Variants in ARHGAP18 observed in about 807,000 individuals in gnomAD.
ARHGAP18 encodes the protein rho GTPase-activating protein 18.
In ARHGAP18, 67 loss-of-function variants were observed where a neutral mutation model predicts 86.2. That is an observed-to-expected ratio of 0.78 (90% CI 0.64 to 0.95). The LOEUF is 0.95. Ranked by LOEUF, ARHGAP18 falls within the 40% of genes least tolerant of loss-of-function variation. The pLI is 0.00. For missense variants in ARHGAP18, 691 were observed against 780.4 expected, an observed-to-expected ratio of 0.89 and a Z score of 1.37; for synonymous variants, 283 against 280.4, an observed-to-expected ratio of 1.01 and a Z score of -0.09.
At chr6:129,584,661 T>G (rs1278263884) in intron 12 of ARHGAP18, among the ~76,000 whole-genome samples, 1 of 152,212 alleles carries the variant, frequency 6.6e-6, no homozygotes. Flanking sequence ...TCTAAATCTT[T>G]TGCCCATGGA....
chr6:129,604,329 C>T (rs548882718), intron 10 of ARHGAP18, among the ~76,000 whole-genome samples: 6 of 152,048 alleles, frequency 3.9e-5, no homozygotes, highest in African/African-American at 1.4e-4. Context: ...ACTTTGAGGG[C>T]AAAGCCCGAA....
intron 1 of ARHGAP18, among the ~76,000 whole-genome samples, chr6:129,643,814 T>C (rs1486318614): frequency 2.6e-5 from 4 of 152,194 alleles, no homozygotes; most frequent in African/African-American, 9.6e-5. Flanking sequence ...TTGTTTAAAA[T>C]AGTAGGATTT....
chr6:129,648,998 G>A (rs759308559), intron 1 of ARHGAP18, among the ~76,000 whole-genome samples: 46 of 152,138 alleles, frequency 3.0e-4, no homozygotes, highest in Admixed American at 2.1e-3. Context: ...TGACATCCAG[G>A]AAGAAAGAAC....
intron 1 of ARHGAP18, among the ~76,000 whole-genome samples, chr6:129,654,899 G>A (rs1025291470): frequency 1.7e-4 from 26 of 152,192 alleles, no homozygotes; most frequent in Admixed American, 3.9e-4. Context: ...CCAGGACCTC[G>A]ACTGAACCTC....
At chr6:129,705,227 A>G (rs748863939) in intron 1 of ARHGAP18, among the ~76,000 whole-genome samples, 1 of 152,228 alleles carries the variant, frequency 6.6e-6, no homozygotes, top group Non-Finnish European at 1.5e-5. Flanking sequence ...TTATGCTTGC[A>G]GAACCAAGGA....
chr6:129,603,476 C>T (rs973129075), intron 10 of ARHGAP18, among the ~76,000 whole-genome samples: 8 of 152,064 alleles, frequency 5.3e-5, no homozygotes, highest in African/African-American at 9.7e-5. Flanking sequence ...TATCAATCAC[C>T]GGGTTCACTC....
At chr6:129,671,014 T>C (rs1268772757) in intron 1 of ARHGAP18, among the ~76,000 whole-genome samples, 2 of 152,178 alleles carry the variant, frequency 1.3e-5, no homozygotes, top group African/African-American at 2.4e-5. Flanking sequence ...TACAGTATCT[T>C]AGAGATGTCA....
chr6:129,652,790 G>A (rs182209685), intron 1 of ARHGAP18, among the ~76,000 whole-genome samples: 1 of 152,128 alleles, frequency 6.6e-6, no homozygotes. Flanking sequence ...ATAAAAAGTT[G>A]CTATTGATTC....
rs929067845 is a variant in ARHGAP18 at position 129,585,518 on chromosome 6, A to G, written c.1714-1406T>C. Among the ~76,000 whole-genome samples the G allele has an allele frequency of 3.3e-5, 5 of 152,184 alleles. 1 individual carries two copies. Among genetic ancestry groups the G allele is most frequent in the African/African-American group, 1.2e-4 (5 of 41,448 alleles). ...CACGATATAAGACTGTACAGTGAGT[A>G]TGGGATTGTGGAAGACCACAGACTG... On this transcript the variant is annotated intron_variant, in intron 12 of 14. Transcript: ENST00000368149.
Position 129,584,037 on chromosome 6 carries a change from C to CTAA in ARHGAP18, c.1788_1789insTTA (p.Thr596_Glu597insLeu), listed in dbSNP as rs1260806043. Reference sequence around the variant, plus strand: ...AGTACATCACTGGCTTTTAGTTCTTCAGTTAGCTGTATTGCCATGGAAACT... The same window carrying CTAA: ...AGTACATCACTGGCTTTTAGTTCTTCTAAAGTTAGCTGTATTGCCATGGAAACT... On this transcript the variant is annotated inframe_insertion, in exon 13 of 15. Transcript: ENST00000368149. 22 of 1,613,806 alleles carry CTAA rather than the reference C, an allele frequency of 1.4e-5. No homozygotes were observed. The highest frequency in any genetic ancestry group is 1.9e-5 in the Non-Finnish European group (22 of 1,179,838).
chr6:129,665,504 C>A (rs1024099991), intron 1 of ARHGAP18, among the ~76,000 whole-genome samples: 3 of 152,076 alleles, frequency 2.0e-5, no homozygotes, highest in Admixed American at 1.3e-4. Flanking sequence ...GAGCCAAGAT[C>A]GTGCCACTGC....
chr6:129,598,921 G>A (rs1788676951), intron 12 of ARHGAP18: 1 of 190,978 alleles, frequency 5.2e-6, no homozygotes, highest in Non-Finnish European at 1.1e-5. Context: ...GAGAGGTAGA[G>A]GTAGGGGTAG....
Position 129,641,819 on chromosome 6 carries a change from C to T in ARHGAP18, c.313G>A (p.Asp105Asn), listed in dbSNP as rs753298352. 1.6e-5 allele frequency: 25 copies of T among 1,612,234 alleles called. No homozygotes were observed. Among genetic ancestry groups the T allele is most frequent in the Middle Eastern group, 1.7e-4 (1 of 5,750 alleles). Residue 105 changes from aspartate (D) to asparagine (N), a missense_variant, in exon 2 of 15, where the codon GAT becomes AAT. Coordinates refer to ENST00000368149, the MANE Select transcript of ARHGAP18 (RefSeq NM_033515.3). ...GCTTTATTTAGTTAGTTATTACCAT[C>T]AGGCTCTTTGACAACAACCACCTCT... ...DQEVVVVKEP[D>N]EGELEEEWLK... is the part of the protein sequence containing the mutation.
At chr6:129,686,519 C>T (rs1011608095) in intron 1 of ARHGAP18, among the ~76,000 whole-genome samples, 4 of 152,170 alleles carry the variant, frequency 2.6e-5, no homozygotes, top group African/African-American at 7.2e-5. Context: ...AAAGACCAGA[C>T]GCTTACCCAG....
At chr6:129,615,300 G>A (rs980601020) in intron 7 of ARHGAP18, among the ~76,000 whole-genome samples, 1 of 152,202 alleles carries the variant, frequency 6.6e-6, no homozygotes, top group Non-Finnish European at 1.5e-5. Context: ...GCTAAAAGAG[G>A]CTGATGGGTG....
In ARHGAP18 at chr6:129,631,392, C is replaced by CA. The variant is rs71028170; in HGVS notation, c.617-1871dup. On this transcript the variant is annotated intron_variant, in intron 4 of 14. Transcript: ENST00000368149. ...ACACACATTTCCTTCAAAAGCAATG[C>CA]AAAAAAAAAATACCGCATATCAAAG... 2.5e-3 allele frequency among the ~76,000 whole-genome samples: 359 copies of CA among 146,370 alleles called. 4 individuals are homozygous for CA. The highest frequency in any genetic ancestry group is 7.3e-3 in the African/African-American group (289 of 39,696).
chr6:129,623,508 C>T lies in ARHGAP18; in HGVS notation c.787-4656G>A, dbSNP rs538723738. On this transcript the variant is annotated intron_variant, in intron 5 of 14. Coordinates refer to ENST00000368149, the MANE Select transcript of ARHGAP18 (RefSeq NM_033515.3). Reference sequence around the variant, plus strand: ...TCATAAAGAATTGACAAAGGTTGCTCGATGCTGTGAGGAAAAGGAAGTGAA... The same window carrying T: ...TCATAAAGAATTGACAAAGGTTGCTTGATGCTGTGAGGAAAAGGAAGTGAA... Among the ~76,000 whole-genome samples the T allele has an allele frequency of 2.9e-4, 44 of 152,108 alleles. 1 individual carries two copies. The highest frequency in any genetic ancestry group is 1.0e-3 in the African/African-American group (42 of 41,486).
Position 129,625,103 on chromosome 6 carries a change from A to C in ARHGAP18, c.786+4250T>G, listed in dbSNP as rs13210063. 4.7e-4 allele frequency among the ~76,000 whole-genome samples: 38 copies of C among 80,948 alleles called. 5 individuals carry two copies. The highest frequency in any genetic ancestry group is 9.8e-5 in the African/African-American group (2 of 20,366). 53.1% of individuals were successfully genotyped at this position (80,948 alleles called of 152,430 possible). Reference sequence around the variant, plus strand: ...ATATGATATATGATATATGATATATATTATATATTATATAGATATATATTA... The same window carrying C: ...ATATGATATATGATATATGATATATCTTATATATTATATAGATATATATTA... On this transcript the variant is annotated intron_variant, in intron 5 of 14. Transcript: ENST00000368149.
chr6:129,692,014 C>G (rs1286408286), intron 1 of ARHGAP18, among the ~76,000 whole-genome samples: 2 of 152,200 alleles, frequency 1.3e-5, no homozygotes, highest in Admixed American at 6.5e-5. Flanking sequence ...CTGACACAGC[C>G]AGCACCTCTG....
Sources: gnomAD v4.1 joint callset for allele counts (sites outside exome capture counted in the v4.1 genomes callset) on GRCh38, gnomAD v4.1.1 for gene constraint, MANE v1.5 for transcripts, NCBI Gene and HGNC (gene_info 2026-07-23, HGNC 2026-07-21) for gene names.